Variants in ARID4B observed in about 807,000 individuals in gnomAD.
The protein encoded by ARID4B is AT-rich interactive domain-containing protein 4B.
A neutral mutation model predicts 147.5 loss-of-function variants in ARID4B; 26 were observed. That is an observed-to-expected ratio of 0.18 (90% confidence interval 0.13 to 0.24). ARID4B has a LOEUF of 0.24. Ranked by LOEUF, ARID4B falls within the 10% of genes least tolerant of loss-of-function variation. The pLI is 1.00. For missense variants in ARID4B, 1,179 were observed against 1,511.5 expected, an observed-to-expected ratio of 0.78 and a Z score of 3.65; for synonymous variants, 512 against 507.9, an observed-to-expected ratio of 1.01 and a Z score of -0.11.
chr1:235,206,103 C>T (rs1428093555), intron 17 of ARID4B, among the ~76,000 whole-genome samples: 5 of 152,148 alleles, frequency 3.3e-5, no homozygotes. Context: ...TGCTCTACTT[C>T]CATTTTGTTG....
At chr1:235,270,943 G>A (rs986419256) in intron 2 of ARID4B, among the ~76,000 whole-genome samples, 1 of 152,098 alleles carries the variant, frequency 6.6e-6, no homozygotes, top group Non-Finnish European at 1.5e-5. Context: ...TAATGTATCT[G>A]GGCATGTTAG....
At chr1:235,182,876 G>T in intron 19 of ARID4B, 83 bp from the exon 20 acceptor site, 1 of 1,384,586 alleles carries the variant, frequency 7.2e-7, no homozygotes, top group Non-Finnish European at 9.6e-7. Context: ...GTATATATTA[G>T]GTCCTGTGTA....
intron 19 of ARID4B, among the ~76,000 whole-genome samples, chr1:235,193,336 G>A (rs994725662): frequency 1.3e-5 from 2 of 151,960 alleles, no homozygotes; most frequent in Non-Finnish European, 2.9e-5. Flanking sequence ...GGTTGAGGCT[G>A]AAGTGAGCTG....
At chr1:235,285,153 C>T (rs1671894198) in intron 2 of ARID4B, among the ~76,000 whole-genome samples, 1 of 152,122 alleles carries the variant, frequency 6.6e-6, no homozygotes, top group Non-Finnish European at 1.5e-5. Context: ...GACTCCTGGA[C>T]TTAAGCCAAC....
In ARID4B at chr1:235,186,752, GTC is replaced by G. The variant is rs545436376; in HGVS notation, c.2126-3961_2126-3960del. Among the ~76,000 whole-genome samples, 252 of 151,194 alleles carry G rather than the reference GTC, an allele frequency of 1.7e-3. 1 individual carries two copies. Among genetic ancestry groups the G allele is most frequent in the Middle Eastern group, 0.01 (3 of 292 alleles). The stretch of plus-strand genomic sequence containing the variant: ...TTGTTTTTGTTTTTTTTGAGACAGG[GTC>G]TCTCTCTGTTGCCCAGACTGGAGTG... On this transcript the variant is annotated intron_variant, in intron 19 of 23. Coordinates refer to ENST00000264183, the MANE Select transcript of ARID4B (RefSeq NM_016374.6).
Position 235,182,813 on chromosome 1 carries a change from A to T in ARID4B, c.2126-20T>A. On this transcript the variant is annotated intron_variant, in intron 19 of 23. Transcript: ENST00000264183. ...CAGAAGCTAGAAAATAACAGAAAAA[A>T]AAATGATGAGTATGATAAGAACACT... The T allele has an allele frequency of 6.4e-7, 1 of 1,561,944 alleles. No homozygotes were observed. Among genetic ancestry groups the T allele is most frequent in the Non-Finnish European group, 8.6e-7 (1 of 1,159,340 alleles).
intron 22 of ARID4B, among the ~76,000 whole-genome samples, chr1:235,173,774 ATATATATATATATATAT>A (rs1663608959): frequency 1.4e-4 from 3 of 21,032 alleles, no homozygotes; most frequent in Admixed American, 6.8e-4. Flanking sequence ...AAAAAAAAAT[ATATATATATATATATAT>A]ATATATATAT....
chr1:235,256,128 C>G (rs565876028), intron 4 of ARID4B, among the ~76,000 whole-genome samples: 48 of 140,230 alleles, frequency 3.4e-4, no homozygotes, highest in Middle Eastern at 3.9e-3. Context: ...GAGCCGAGAT[C>G]GCGCCACTGC....
intron 17 of ARID4B, among the ~76,000 whole-genome samples, chr1:235,205,142 A>C (rs979378067): frequency 6.6e-6 from 1 of 152,222 alleles, no homozygotes; most frequent in African/African-American, 2.4e-5. Flanking sequence ...AATGAGTAGA[A>C]CAACTTTGTA....
At chr1:235,186,165 C>T (rs1664666240) in intron 19 of ARID4B, among the ~76,000 whole-genome samples, 1 of 152,034 alleles carries the variant, frequency 6.6e-6, no homozygotes, top group Non-Finnish European at 1.5e-5. Flanking sequence ...GACAGGGTTT[C>T]ACCGTGTTAG....
rs1667375149 is a variant in ARID4B, at chr1:235,220,350, C to T, written c.1359G>A (p.Lys453=). The part of the protein sequence containing the change: ...EERNIIPREE[K]PIEDEIERKE... ...TTCTTTCAATTTCATCCTCAATAGG[C>T]TTTTCTTCTCTTGGTATTATATTCC... The change falls in exon 15 of 24, where the codon AAG becomes AAA. Residue 453 remains lysine, a synonymous_variant. Transcript: ENST00000264183. 2 of 1,608,636 alleles carry T rather than the reference C, an allele frequency of 1.2e-6. No homozygotes were observed. The highest frequency in any genetic ancestry group is 1.7e-6 in the Non-Finnish European group (2 of 1,176,696).
In ARID4B at chr1:235,326,910, T is replaced by C. The variant is rs763736664; in HGVS notation, c.6+4A>G. On this transcript the variant is annotated splice_donor_region_variant and intron_variant, in intron 2 of 23. Transcript: ENST00000264183. Reference sequence around the variant, plus strand: ...AGAGATTCGTTTTCCGCAGGCAATCTTACCTTCATGATGACTCTGGGACCA... The same window carrying C: ...AGAGATTCGTTTTCCGCAGGCAATCCTACCTTCATGATGACTCTGGGACCA... The C allele has an allele frequency of 3.7e-6, 6 of 1,614,044 alleles. No individual in the cohort carries two copies. In the South Asian group the frequency reaches 5.5e-5, roughly 15 times the overall value.
At chr1:235,243,373 C>A (rs1424460979) in intron 7 of ARID4B, among the ~76,000 whole-genome samples, 1 of 152,052 alleles carries the variant, frequency 6.6e-6, no homozygotes, top group Non-Finnish European at 1.5e-5. Flanking sequence ...AAATATTTTA[C>A]AGGAGCAAAG....
At chr1:235,244,126 T>C (rs1454771285) in intron 7 of ARID4B, among the ~76,000 whole-genome samples, 6 of 152,162 alleles carry the variant, frequency 3.9e-5, no homozygotes, top group South Asian at 2.1e-4. Context: ...TGTATTTAAA[T>C]AGCAAGTATA....
At chr1:235,213,028 A>G (rs1656923790) in intron 17 of ARID4B, among the ~76,000 whole-genome samples, 1 of 152,222 alleles carries the variant, frequency 6.6e-6, no homozygotes, top group Non-Finnish European at 1.5e-5. Context: ...TTAAAAGATA[A>G]CTGAATGAAT....
At chr1:235,325,304 T>C (rs985055507) in intron 2 of ARID4B, among the ~76,000 whole-genome samples, 13 of 152,010 alleles carry the variant, frequency 8.6e-5, no homozygotes, top group Non-Finnish European at 1.8e-4. Context: ...TGGCTAGTAT[T>C]ACCAAGAAAC....
At chr1:235,228,085 C>T (rs145304480) in intron 11 of ARID4B, among the ~76,000 whole-genome samples, 1,609 of 151,910 alleles carry the variant, frequency 0.011, 19 homozygotes, top group Non-Finnish European at 0.017. Flanking sequence ...CTGCCCGCCT[C>T]GGCCTCACAG....
intron 2 of ARID4B, among the ~76,000 whole-genome samples, chr1:235,276,914 C>T (rs10925302): frequency 0.041 from 6,114 of 149,470 alleles, 462 homozygotes; most frequent in African/African-American, 0.14. Flanking sequence ...GCAGGAGAAT[C>T]GCTTGAACCC....
intron 17 of ARID4B, among the ~76,000 whole-genome samples, chr1:235,207,250 AAT>A (rs775501157): frequency 8.9e-4 from 136 of 152,366 alleles, no homozygotes; most frequent in Non-Finnish European, 1.5e-3. Flanking sequence ...AGCAGTATGA[AAT>A]AGTCTTCTAA....
Sources: gnomAD v4.1 joint callset for allele counts (sites outside exome capture counted in the v4.1 genomes callset) on GRCh38, gnomAD v4.1.1 for gene constraint, MANE v1.5 for transcripts, NCBI Gene and HGNC (gene_info 2026-07-23, HGNC 2026-07-21) for gene names.